The following HS6ST2 variants were observed in gnomAD, a reference collection of about 807,000 sequenced individuals.
The protein encoded by HS6ST2 is heparan sulfate 6-O-sulfotransferase 2, also known as heparan-sulfate 6-O-sulfotransferase 2.
HS6ST2 carries 17 observed loss-of-function variants against 33.0 expected under a neutral mutation model. The observed-to-expected ratio is 0.52, with a 90% CI of 0.35 to 0.77. The LOEUF (loss-of-function observed/expected upper bound fraction) is 0.77. Among genes scored for constraint, HS6ST2 ranks in the 30% least tolerant of loss-of-function variants. The probability of loss-of-function intolerance (pLI) is 0.01; values close to 1 mark genes in which losing one functional copy is unlikely to be tolerated. For missense variants in HS6ST2, 519 were observed against 551.7 expected (o/e 0.94, Z 0.59); for synonymous variants, 248 against 237.1 (o/e 1.05, Z -0.42).
intron 2 of HS6ST2, among the ~76,000 whole-genome samples, chrX:132,880,523 T>G (rs1426865119): frequency 3.9e-4 from 1 of 2,536 alleles, no homozygotes; most frequent in Admixed American, 3.1e-3. Flanking sequence ...AGACTCTGTG[T>G]AAAAAAAAAA....
intron 2 of HS6ST2, among the ~76,000 whole-genome samples, chrX:132,927,023 TG>T (rs1238419371): frequency 9.0e-6 from 1 of 111,400 alleles, no homozygotes; most frequent in Non-Finnish European, 1.9e-5. Flanking sequence ...CATCTCAACA[TG>T]GCGACTCCAC....
chrX:132,876,526 C>T (rs377736014), intron 2 of HS6ST2, among the ~76,000 whole-genome samples: 11 of 111,510 alleles, frequency 9.9e-5, no homozygotes, highest in African/African-American at 3.6e-4. Context: ...GGCTTTATTG[C>T]CTTTGGTCCC....
intron 2 of HS6ST2, among the ~76,000 whole-genome samples, chrX:132,873,992 C>T (rs773274776): frequency 2.5e-4 from 28 of 111,390 alleles, no homozygotes; most frequent in African/African-American, 8.8e-4. Context: ...CTACACCTCT[C>T]TGCTTCTGAG....
intron 2 of HS6ST2, among the ~76,000 whole-genome samples, chrX:132,909,949 T>A (rs960737618): frequency 5.4e-5 from 6 of 111,099 alleles, no homozygotes; most frequent in African/African-American, 2.0e-4. Context: ...AGAATGATCA[T>A]CACTTAAATA....
intron 2 of HS6ST2, among the ~76,000 whole-genome samples, chrX:132,826,764 C>T (rs1204177551): frequency 9.1e-6 from 1 of 110,374 alleles, no homozygotes; most frequent in Non-Finnish European, 1.9e-5. Flanking sequence ...CAGAGAACAC[C>T]TATAACAACC....
chrX:132,940,220 C>T (rs1442142211), intron 2 of HS6ST2, among the ~76,000 whole-genome samples: 3 of 111,966 alleles, frequency 2.7e-5, no homozygotes, highest in Non-Finnish European at 5.6e-5. Context: ...GATTCTGGGA[C>T]AAATATTACC....
chrX:132,692,382 G>A (rs898745433), intron 3 of HS6ST2, among the ~76,000 whole-genome samples: 4 of 110,794 alleles, frequency 3.6e-5, no homozygotes, highest in Middle Eastern at 4.6e-3. Flanking sequence ...CCATCACAGC[G>A]CCAACCCGCT....
At chrX:132,760,956 A>G (rs2064800103) in intron 2 of HS6ST2, among the ~76,000 whole-genome samples, 1 of 111,885 alleles carries the variant, frequency 8.9e-6, no homozygotes, top group African/African-American at 3.3e-5. Flanking sequence ...ACTTGCAATT[A>G]CTCAATTTGG....
chrX:132,932,596 C>T (rs975901613), intron 2 of HS6ST2, among the ~76,000 whole-genome samples: 22 of 110,399 alleles, frequency 2.0e-4, no homozygotes, highest in Middle Eastern at 4.7e-3. Context: ...TTATGAGACA[C>T]GAAAAGACGT....
At position 132,781,733 on chromosome X, in the gene HS6ST2, CA is replaced by C. The variant is rs776122470; in HGVS notation, c.948-73240del. Among the ~76,000 whole-genome samples, 21 of 111,568 alleles carry C rather than the reference CA, an allele frequency of 1.9e-4. No homozygotes were observed. The South Asian group carries it at 6.9e-3, about 37-fold the overall frequency. ...ATGGTGGCAGGAGACAGAGCACAGG[CA>C]GGGGAAACTGCTACTTATAAAACCA... On this transcript the variant is annotated intron_variant, in intron 2 of 4. Transcript: ENST00000370833.
chrX:132,904,667 A>G (rs2066455270), intron 2 of HS6ST2, among the ~76,000 whole-genome samples: 1 of 102,846 alleles, frequency 9.7e-6, no homozygotes, highest in African/African-American at 3.5e-5. Context: ...AGCTGGGACT[A>G]CAGGCCCACA....
intron 2 of HS6ST2, chrX:132,735,346 A>C (rs759582938): frequency 2.2e-4 from 25 of 111,372 alleles, no homozygotes; most frequent in African/African-American, 7.5e-4. Context: ...TGCGGGCTCC[A>C]TAGGCAAGAT....
chrX:132,895,450 G>T (rs1198339738), intron 2 of HS6ST2, among the ~76,000 whole-genome samples: 1 of 110,535 alleles, frequency 9.0e-6, no homozygotes, highest in Admixed American at 9.7e-5. Context: ...TGTATATAAT[G>T]ATATACATAC....
chrX:132,630,675 G>A (rs752926624), intron 4 of HS6ST2, among the ~76,000 whole-genome samples: 1 of 111,963 alleles, frequency 8.9e-6, no homozygotes, highest in East Asian at 2.8e-4. Flanking sequence ...GGCTGGGCAC[G>A]GTGGCTCATG....
chrX:132,898,342 A>G (rs1303582256), intron 2 of HS6ST2, among the ~76,000 whole-genome samples: 2 of 104,139 alleles, frequency 1.9e-5, no homozygotes, highest in Admixed American at 2.1e-4. Flanking sequence ...TTTGAAAAAA[A>G]GGTGTCCTGT....
intron 2 of HS6ST2, among the ~76,000 whole-genome samples, chrX:132,862,661 A>G (rs1155954): frequency 6.3e-5 from 7 of 110,700 alleles, no homozygotes; most frequent in African/African-American, 2.3e-4. Flanking sequence ...TCAATGCTCA[A>G]TATTCACATG....
intron 2 of HS6ST2, among the ~76,000 whole-genome samples, chrX:132,864,256 C>T (rs753592092): frequency 9.2e-6 from 1 of 109,270 alleles, no homozygotes. Context: ...ATGACATGGA[C>T]GAATTGACAG....
chrX:132,898,193 C>T (rs1463835353), intron 2 of HS6ST2, among the ~76,000 whole-genome samples: 6 of 109,493 alleles, frequency 5.5e-5, no homozygotes, highest in African/African-American at 2.0e-4. Context: ...TCCCCCTGTC[C>T]GTGGAAAAAT....
rs751307086 is a variant in HS6ST2 at position 132,879,403 on chromosome X, T to C, written c.947+77405A>G. ...TAAACTGTAACCCATTTCAGGCCAT[T>C]GTAAATGTAGAAAGTGTGGCTACAT... On this transcript the variant is annotated intron_variant, in intron 2 of 4. Coordinates refer to ENST00000370833, the MANE Select transcript of HS6ST2 (RefSeq NM_001394073.1). Among the ~76,000 whole-genome samples the C allele has an allele frequency of 6.3e-5, 7 of 111,905 alleles. No homozygotes were observed. The East Asian group carries it at 2.0e-3, about 31-fold the overall frequency.
Sources: gnomAD v4.1 joint callset for allele counts (sites outside exome capture counted in the v4.1 genomes callset) on GRCh38, gnomAD v4.1.1 for gene constraint, MANE v1.5 for transcripts, NCBI Gene and HGNC (gene_info 2026-07-23, HGNC 2026-07-21) for gene names.